SAMMSON: variants seen among roughly 807,000 people sequenced by gnomAD.
SAMMSON encodes the protein survival associated mitochondrial melanoma specific oncogenic non-coding RNA.
At chr3:70,080,783 CA>C (rs1258669150) in intron 4 of SAMMSON, among the ~76,000 whole-genome samples, 4 of 151,252 alleles carry the variant, frequency 2.6e-5, no homozygotes, top group African/African-American at 9.8e-5. Context: ...AATAGATTGA[CA>C]AATGTGGTAA....
At chr3:70,221,509 G>A (rs1701459928) in intron 4 of SAMMSON, among the ~76,000 whole-genome samples, 1 of 152,096 alleles carries the variant, frequency 6.6e-6, no homozygotes, top group African/African-American at 2.4e-5. Context: ...ATATGCAGGA[G>A]ATACAAAGAT....
chr3:70,301,985 G>A (rs1702353265), intron 7 of SAMMSON, among the ~76,000 whole-genome samples: 1 of 151,986 alleles, frequency 6.6e-6, no homozygotes, highest in African/African-American at 2.4e-5. Context: ...TTTCTGCAGG[G>A]TAGCTATTTC....
Position 70,247,280 on chromosome 3 carries a change from C to A in SAMMSON, n.508-1827C>A, listed in dbSNP as rs930120227. ...AGCAGATGCAAGGTGAAATTTGACA[C>A]CTTCCTATCAGTAAGTTATAGGCTG... On this transcript the variant is annotated intron_variant and non_coding_transcript_variant, in intron 4 of 9. Transcript: ENST00000642114. Among the ~76,000 whole-genome samples the A allele has an allele frequency of 2.0e-5, 3 of 151,918 alleles. No homozygotes were observed. In the East Asian group the frequency reaches 5.8e-4, roughly 29 times the overall value.
chr3:70,085,433 C>T (rs571397690), intron 4 of SAMMSON, among the ~76,000 whole-genome samples: 3 of 152,080 alleles, frequency 2.0e-5, no homozygotes, highest in Non-Finnish European at 2.9e-5. Context: ...CAGTAAGGCT[C>T]GAACATTTGT....
chr3:70,155,771 G>T (rs1252198248), intron 4 of SAMMSON, among the ~76,000 whole-genome samples: 1 of 151,950 alleles, frequency 6.6e-6, no homozygotes, highest in Non-Finnish European at 1.5e-5. Flanking sequence ...TTGCAAAACT[G>T]ATTTGTTTTG....
rs372214734 is a variant in SAMMSON at position 70,026,187 on chromosome 3, TG to T, written n.417+12517del. Among the ~76,000 whole-genome samples, 86 of 152,324 alleles carry T rather than the reference TG, an allele frequency of 5.6e-4. 1 individual carries two copies. The East Asian group carries it at 0.016, about 29-fold the overall frequency. ...ATTTTATGAAATGAAATAATGTCATTGGAAGATGATATTTACTGCTGCTCTC... is the reference window on the plus strand; with the variant it reads ...ATTTTATGAAATGAAATAATGTCATTGAAGATGATATTTACTGCTGCTCTC... On this transcript the variant is annotated intron_variant and non_coding_transcript_variant, in intron 3 of 9. Coordinates refer to ENST00000642114, the Ensembl canonical transcript of SAMMSON.
chr3:70,004,998 A>G (rs1319864792), intron 1 of SAMMSON, among the ~76,000 whole-genome samples: 1 of 152,228 alleles, frequency 6.6e-6, no homozygotes, highest in Non-Finnish European at 1.5e-5. Context: ...ACTGAGTGGC[A>G]GAGCCCGGGC....
chr3:70,269,696 A>T (rs1432086310), intron 6 of SAMMSON, among the ~76,000 whole-genome samples: 1 of 152,098 alleles, frequency 6.6e-6, no homozygotes, highest in African/African-American at 2.4e-5. Flanking sequence ...TATTTAATAT[A>T]GTGGCAAAAA....
intron 2 of SAMMSON, among the ~76,000 whole-genome samples, chr3:70,423,033 G>T (rs1168717500): frequency 6.6e-6 from 1 of 151,662 alleles, no homozygotes; most frequent in South Asian, 2.1e-4. Flanking sequence ...GGCAGGGAAA[G>T]GATATATCAT....
At chr3:70,236,983 C>T (rs573714415) in intron 4 of SAMMSON, among the ~76,000 whole-genome samples, 3 of 152,188 alleles carry the variant, frequency 2.0e-5, no homozygotes, top group Non-Finnish European at 2.9e-5. Context: ...ATAGCTTAAG[C>T]AACACAGATG....
intron 7 of SAMMSON, among the ~76,000 whole-genome samples, chr3:70,353,826 C>T (rs1338909925): frequency 6.6e-6 from 1 of 152,176 alleles, no homozygotes; most frequent in Non-Finnish European, 1.5e-5. Flanking sequence ...CTCAGATGTC[C>T]TTCAATGGGT....
At chr3:70,143,493 C>A (rs915015025) in intron 4 of SAMMSON, among the ~76,000 whole-genome samples, 1 of 152,026 alleles carries the variant, frequency 6.6e-6, no homozygotes, top group African/African-American at 2.4e-5. Context: ...CATCCCTCAC[C>A]CTGCCAATCT....
intron 4 of SAMMSON, among the ~76,000 whole-genome samples, chr3:70,167,824 TAGA>T (rs1206770668): frequency 6.6e-6 from 1 of 151,984 alleles, no homozygotes; most frequent in Non-Finnish European, 1.5e-5. Context: ...GGCTTCATAG[TAGA>T]AGAAGCCTGT....
At chr3:70,414,802 C>T (rs2106770664) in intron 2 of SAMMSON, among the ~76,000 whole-genome samples, 1 of 152,202 alleles carries the variant, frequency 6.6e-6, no homozygotes, top group Non-Finnish European at 1.5e-5. Flanking sequence ...CATCTGACAA[C>T]TTTTAGTATT....
At chr3:70,036,999 G>A (rs1310647208) in intron 3 of SAMMSON, among the ~76,000 whole-genome samples, 3 of 152,052 alleles carry the variant, frequency 2.0e-5, no homozygotes, top group Non-Finnish European at 1.5e-5. Context: ...TTAATAGAAT[G>A]TCAAAAGGTA....
intron 4 of SAMMSON, among the ~76,000 whole-genome samples, chr3:70,143,556 G>T (rs1395357123): frequency 1.3e-5 from 2 of 152,090 alleles, no homozygotes; most frequent in East Asian, 1.9e-4. Flanking sequence ...CACCTTTGTG[G>T]GTCAATCCAT....
intron 7 of SAMMSON, among the ~76,000 whole-genome samples, chr3:70,337,464 T>C (rs983179557): frequency 6.6e-5 from 10 of 151,750 alleles, no homozygotes; most frequent in Non-Finnish European, 1.2e-4. Context: ...CAGCTGTTAA[T>C]TTTCTCTAGG....
chr3:70,265,115 C>T (rs1237167948), intron 6 of SAMMSON, among the ~76,000 whole-genome samples: 1 of 152,114 alleles, frequency 6.6e-6, no homozygotes, highest in African/African-American at 2.4e-5. Flanking sequence ...TCACTGGGTC[C>T]CTCCCATGAC....
intron 6 of SAMMSON, among the ~76,000 whole-genome samples, chr3:70,287,291 C>A (rs1325225749): frequency 3.5e-5 from 5 of 144,010 alleles, no homozygotes; most frequent in South Asian, 2.4e-4. Context: ...TTGTCAAAGG[C>A]CTTTTCTGCA....
Sources: allele counts gnomAD v4.1 joint callset (sites outside exome capture counted in the v4.1 genomes callset), GRCh38; gene constraint gnomAD v4.1.1; transcripts MANE v1.5; gene names NCBI Gene and HGNC (gene_info 2026-07-23, HGNC 2026-07-21).